The following ZNF722 variants were observed in gnomAD, a reference collection of about 807,000 sequenced individuals.
ZNF722 encodes the protein zinc finger protein 479 pseudogene.
the ZNF722 span, among the ~76,000 whole-genome samples, chr7:64,000,132 T>TTTTGTG: frequency 7.9e-5 from 11 of 139,770 alleles, no homozygotes; most frequent in African/African-American, 3.0e-4. Context: ...TTTTTTTTTT[T>TTTTGTG]TGTGTGTGTG....
chr7:64,008,601 A>C, the ZNF722 span, among the ~76,000 whole-genome samples: 54 of 152,036 alleles, frequency 3.6e-4, no homozygotes, highest in African/African-American at 5.1e-4. Context: ...CCATTGGTCT[A>C]TATCTCTGTT....
the ZNF722 span, among the ~76,000 whole-genome samples, chr7:64,011,416 C>T: frequency 1.3e-5 from 2 of 152,114 alleles, no homozygotes; most frequent in African/African-American, 4.8e-5. Flanking sequence ...TTAGTGCTTC[C>T]TTCAGGAGCT....
chr7:64,004,132 G>A, the ZNF722 span, among the ~76,000 whole-genome samples: 5 of 151,970 alleles, frequency 3.3e-5, no homozygotes, highest in Admixed American at 2.6e-4. Flanking sequence ...CGGGCGCAGT[G>A]TCTCAGGCTT....
At chr7:64,002,177 A>G in the ZNF722 span, among the ~76,000 whole-genome samples, 1 of 152,092 alleles carries the variant, frequency 6.6e-6, no homozygotes, top group East Asian at 1.9e-4. Flanking sequence ...CACAGCACCC[A>G]GCTCCTTGTA....
the ZNF722 span, chr7:64,015,751 A>G: frequency 6.2e-7 from 1 of 1,613,652 alleles, no homozygotes; most frequent in Admixed American, 1.7e-5. Flanking sequence ...ACATGTGAAG[A>G]ATGTGGCAGA....
chr7:64,015,660 T>G, the ZNF722 span: 2 of 1,613,502 alleles, frequency 1.2e-6, no homozygotes, highest in Non-Finnish European at 1.7e-6. Flanking sequence ...ACCCTACAAA[T>G]GTGAAGAATG....
the ZNF722 span, among the ~76,000 whole-genome samples, chr7:64,010,271 T>C: frequency 6.6e-6 from 1 of 152,204 alleles, no homozygotes; most frequent in African/African-American, 2.4e-5. Context: ...TAGCTGTTTC[T>C]TGCCTTCTGC....
chr7:64,007,700 CA>C, the ZNF722 span, among the ~76,000 whole-genome samples: 1 of 152,158 alleles, frequency 6.6e-6, no homozygotes, highest in Non-Finnish European at 1.5e-5. Context: ...CTGCAATACA[CA>C]TACATGTGCA....
At chr7:64,016,395 C>T in the ZNF722 span, among the ~76,000 whole-genome samples, 1 of 151,768 alleles carries the variant, frequency 6.6e-6, no homozygotes, top group South Asian at 2.1e-4. Flanking sequence ...GCCTCAGCCT[C>T]CCAAAACCTA....
the ZNF722 span, among the ~76,000 whole-genome samples, chr7:64,017,200 A>C: frequency 3.3e-5 from 5 of 152,308 alleles, no homozygotes; most frequent in African/African-American, 9.6e-5. Flanking sequence ...CCTGGCCAAC[A>C]TGGTGAAAGC....
chr7:64,015,181 A>G, the ZNF722 span: 1 of 1,335,562 alleles, frequency 7.5e-7, no homozygotes, highest in Non-Finnish European at 1.1e-6. Context: ...GAGGTGCACA[A>G]AGGAGGTTAT....
the ZNF722 span, among the ~76,000 whole-genome samples, chr7:64,013,702 TA>T: frequency 2.0e-5 from 3 of 152,146 alleles, no homozygotes; most frequent in African/African-American, 7.2e-5. Context: ...CACGGAATTT[TA>T]TTTTTTTATA....
the ZNF722 span, chr7:64,006,467 A>G: frequency 7.3e-6 from 4 of 549,742 alleles, no homozygotes; most frequent in Non-Finnish European, 1.2e-5. Context: ...TTGCTCTCAC[A>G]TAGGGACACC....
At chr7:64,010,221 GT>G in the ZNF722 span, among the ~76,000 whole-genome samples, 1 of 152,036 alleles carries the variant, frequency 6.6e-6, no homozygotes, top group Non-Finnish European at 1.5e-5. Flanking sequence ...TTTTTGAAGG[GT>G]TTTTTGTGTC....
the ZNF722 span, among the ~76,000 whole-genome samples, chr7:64,011,866 C>A: frequency 1.3e-5 from 2 of 152,138 alleles, no homozygotes; most frequent in Admixed American, 1.3e-4. Context: ...TTCCATTCTC[C>A]CTGTCACTTT....
At chr7:64,002,939 C>A in the ZNF722 span, among the ~76,000 whole-genome samples, 3 of 152,176 alleles carry the variant, frequency 2.0e-5, no homozygotes, top group Non-Finnish European at 2.9e-5. Flanking sequence ...TGCTTTCTCT[C>A]GCTAATGCTA....
At chr7:64,001,040 G>C in the ZNF722 span, among the ~76,000 whole-genome samples, 1 of 152,096 alleles carries the variant, frequency 6.6e-6, no homozygotes, top group Admixed American at 6.5e-5. Flanking sequence ...GCCTCCCAAC[G>C]TTCTGGGGTT....
At chr7:64,017,592 C>G in the ZNF722 span, among the ~76,000 whole-genome samples, 1 of 152,098 alleles carries the variant, frequency 6.6e-6, no homozygotes, top group Non-Finnish European at 1.5e-5. Flanking sequence ...TGTGGAACAT[C>G]AGAGAATTTA....
chr7:64,000,117 TAC>T, the ZNF722 span, among the ~76,000 whole-genome samples: 1 of 76,222 alleles, frequency 1.3e-5, no homozygotes, highest in African/African-American at 4.2e-5. Context: ...GCTTTTCCCT[TAC>T]TTTTTTTTTT....
Sources: gnomAD v4.1 joint callset for allele counts (sites outside exome capture counted in the v4.1 genomes callset) on GRCh38, gnomAD v4.1.1 for gene constraint, MANE v1.5 for transcripts, NCBI Gene and HGNC (gene_info 2026-07-23, HGNC 2026-07-21) for gene names.